The following MOB3A variants were observed in gnomAD, a reference collection of about 807,000 sequenced individuals.
MOB3A encodes MOB LAK.
Under a neutral mutation model 17.8 loss-of-function variants are expected in MOB3A, and 17 were observed. The observed-to-expected ratio is 0.95, with a 90% CI of 0.65 to 1.43. The LOEUF is 1.43. Among genes scored for constraint, MOB3A ranks in the 40% most tolerant of loss-of-function variants. The pLI, the probability that MOB3A is intolerant of heterozygous loss-of-function variation, is 0.00. For missense variants in MOB3A, 333 were observed against 310.8 expected (o/e 1.07, Z -0.54); for synonymous variants, 124 against 133.2 (o/e 0.93, Z 0.48).
chr19:2,076,260 C>G (rs77028816), intron 4 of MOB3A, among the ~76,000 whole-genome samples: 3 of 151,110 alleles, frequency 2.0e-5, no homozygotes, highest in Non-Finnish European at 4.4e-5. Flanking sequence ...GTGAAACCCC[C>G]TCTCTCCTAA....
At chr19:2,077,722 G>C (rs943199234) in intron 3 of MOB3A, among the ~76,000 whole-genome samples, 3 of 152,102 alleles carry the variant, frequency 2.0e-5, no homozygotes, top group African/African-American at 7.2e-5. Context: ...GTCACCAGGA[G>C]TGATTCAGGA....
chr19:2,076,498 T>C (rs952696766), intron 4 of MOB3A, among the ~76,000 whole-genome samples: 5 of 152,262 alleles, frequency 3.3e-5, no homozygotes, highest in African/African-American at 1.2e-4. Context: ...CTCGCATCCC[T>C]TTCATAAGGG....
intron 1 of MOB3A, among the ~76,000 whole-genome samples, chr19:2,090,968 C>T (rs985143556): frequency 8.5e-5 from 13 of 152,058 alleles, no homozygotes; most frequent in African/African-American, 2.7e-4. Context: ...GGCCAAAATA[C>T]GTGCATTATT....
chr19:2,089,873 C>G (rs1478132584), intron 1 of MOB3A, among the ~76,000 whole-genome samples: 6 of 151,964 alleles, frequency 3.9e-5, no homozygotes, highest in Non-Finnish European at 8.8e-5. Flanking sequence ...TGAGCAATGT[C>G]CCTGGCCTCC....
chr19:2,080,007 C>T (rs928491796), intron 2 of MOB3A, among the ~76,000 whole-genome samples: 11 of 152,188 alleles, frequency 7.2e-5, no homozygotes, highest in Non-Finnish European at 1.0e-4. Context: ...GGCGGAGGGG[C>T]GACCTGGATC....
At chr19:2,090,830 A>AT (rs1444567469) in intron 1 of MOB3A, among the ~76,000 whole-genome samples, 2 of 151,942 alleles carry the variant, frequency 1.3e-5, no homozygotes, top group East Asian at 3.9e-4. Context: ...TGCTCAGCTA[A>AT]TTTTTGAATT....
Position 2,073,312 on chromosome 19 carries a change from G to T in MOB3A, c.*83C>A. ...CCTGAGATGCTCAGGCCGGAGAGAA[G>T]CGGGATGATGGTTCCAGAGCGTCCT... On this transcript the variant is annotated 3_prime_UTR_variant, in exon 5 of 5. Coordinates refer to ENST00000357066, the MANE Select transcript of MOB3A (RefSeq NM_130807.3). The T allele has an allele frequency of 6.5e-7, 1 of 1,548,344 alleles. No individual in the cohort carries two copies. Among genetic ancestry groups the T allele is most frequent in the Non-Finnish European group, 8.9e-7 (1 of 1,126,232 alleles).
At chr19:2,094,233 G>C (rs191232315) in intron 1 of MOB3A, among the ~76,000 whole-genome samples, 1 of 151,896 alleles carries the variant, frequency 6.6e-6, no homozygotes, top group Admixed American at 6.6e-5. Context: ...CTTTTTAGTA[G>C]AGACGGGGTT....
chr19:2,075,570 G>A (rs548277134), intron 4 of MOB3A, among the ~76,000 whole-genome samples: 123 of 152,198 alleles, frequency 8.1e-4, no homozygotes, highest in African/African-American at 2.5e-3. Context: ...TCCATACAGC[G>A]CCCAGCAGCC....
chr19:2,077,169 G>A (rs1410395748), intron 3 of MOB3A, among the ~76,000 whole-genome samples, 156 bp from the exon 4 acceptor site: 2 of 152,186 alleles, frequency 1.3e-5, no homozygotes, highest in Non-Finnish European at 2.9e-5. Flanking sequence ...GGGAGGCCGA[G>A]GCAGGCAGAT....
intron 1 of MOB3A, among the ~76,000 whole-genome samples, chr19:2,094,266 C>T (rs1289485600): frequency 6.6e-6 from 1 of 151,962 alleles, no homozygotes; most frequent in Non-Finnish European, 1.5e-5. Context: ...CCAGTATGGT[C>T]TCGATCTCCT....
chr19:2,089,280 G>T (rs760860955), intron 1 of MOB3A, among the ~76,000 whole-genome samples: 1 of 152,144 alleles, frequency 6.6e-6, no homozygotes, highest in South Asian at 2.1e-4. Flanking sequence ...CAGTTGCCTC[G>T]CCTGAGGGTG....
At chr19:2,091,145 G>C (rs1314815938) in intron 1 of MOB3A, among the ~76,000 whole-genome samples, 1 of 152,174 alleles carries the variant, frequency 6.6e-6, no homozygotes, top group Non-Finnish European at 1.5e-5. Flanking sequence ...CCGGCTGCTG[G>C]CCAGATCAGG....
chr19:2,084,884 C>T (rs1196954081), intron 2 of MOB3A, among the ~76,000 whole-genome samples: 2 of 151,980 alleles, frequency 1.3e-5, no homozygotes, highest in Non-Finnish European at 2.9e-5. Flanking sequence ...CCACCGTGCC[C>T]GGCCTAGTTT....
rs2017503254 is a variant in MOB3A, at chr19:2,082,622, C to T, written c.-120+2553G>A. ...ACAACTCCCTAAATTCAGCAACTCT[C>T]AGGGATGCAGGCAGCCGTCTGATCA... On this transcript the variant is annotated intron_variant, in intron 2 of 4. Coordinates refer to ENST00000357066, the MANE Select transcript of MOB3A (RefSeq NM_130807.3). This position sits in a 1 kb window ranked among gnomAD's most constrained non-coding sequence, Gnocchi z 4.1. Among the ~76,000 whole-genome samples, 1 of 152,208 alleles carries T rather than the reference C, an allele frequency of 6.6e-6. No homozygotes were observed. Among genetic ancestry groups the T allele is most frequent in the South Asian group, 2.1e-4 (1 of 4,824 alleles).
intron 4 of MOB3A, 120 bp downstream of exon 4, chr19:2,076,691 C>A (rs888570032): frequency 2.0e-6 from 2 of 1,012,370 alleles, no homozygotes; most frequent in East Asian, 5.2e-5. Context: ...CAACTCCAGC[C>A]GGGGCCGCCA....
In MOB3A at chr19:2,093,304, C is replaced by T. The variant is rs1046712242; in HGVS notation, c.-274+2922G>A. 2.0e-5 allele frequency among the ~76,000 whole-genome samples: 3 copies of T among 152,178 alleles called. No individual in the cohort carries two copies. Among genetic ancestry groups the T allele is most frequent in the Admixed American group, 1.3e-4 (2 of 15,280 alleles). ...TCCTGAGTAGCTGGGACTACAGGCA[C>T]GCGCCAGCATGCCCGGGTAAATTTT... On this transcript the variant is annotated intron_variant, in intron 1 of 4. Coordinates refer to ENST00000357066, the MANE Select transcript of MOB3A (RefSeq NM_130807.3). This position sits in a 1 kb window ranked among gnomAD's most constrained non-coding sequence, Gnocchi z 4.6.
chr19:2,092,753 CAAAAAAAAAAAAAAA>C (rs745800527), intron 1 of MOB3A, among the ~76,000 whole-genome samples: 1 of 48,238 alleles, frequency 2.1e-5, no homozygotes, highest in South Asian at 9.4e-4. Context: ...AACTCCATCT[CAAAAAAAAAAAAAAA>C]AAAAAAAAGG....
intron 1 of MOB3A, among the ~76,000 whole-genome samples, chr19:2,086,572 G>A (rs1331996255): frequency 2.0e-5 from 3 of 151,412 alleles, no homozygotes; most frequent in African/African-American, 7.3e-5. Context: ...TGGCCAGGCT[G>A]GTCTCAAACT....
Sources: allele counts gnomAD v4.1 joint callset (sites outside exome capture counted in the v4.1 genomes callset), GRCh38; gene constraint gnomAD v4.1.1; non-coding constraint Gnocchi (gnomAD v3.1); transcripts MANE v1.5; gene names NCBI Gene and HGNC (gene_info 2026-07-23, HGNC 2026-07-21).